Variants in AUTS2 observed in about 807,000 individuals in gnomAD.
AUTS2 encodes activator of transcription and developmental regulator AUTS2.
AUTS2 carries 17 observed loss-of-function variants against 112.4 expected under a neutral mutation model. The ratio of observed to expected loss-of-function variants is 0.15; its 90% CI spans 0.10 to 0.23. The LOEUF is 0.23. AUTS2 is among the 10% of genes least tolerant of loss of function. The probability of loss-of-function intolerance (pLI) is 1.00; values close to 1 mark genes in which losing one functional copy is unlikely to be tolerated. For missense variants in AUTS2, 1,510 were observed against 1,701.6 expected (o/e 0.89, Z 1.98); for synonymous variants, 751 against 702.7 (o/e 1.07, Z -1.09).
intron 2 of AUTS2, among the ~76,000 whole-genome samples, chr7:69,912,144 G>T (rs1795385780): frequency 6.6e-6 from 1 of 152,204 alleles, no homozygotes; most frequent in East Asian, 1.9e-4. Context: ...TGCATGCCTG[G>T]CCAGGTTGTG....
At chr7:70,025,315 T>C (rs1800463690) in intron 2 of AUTS2, among the ~76,000 whole-genome samples, 1 of 152,148 alleles carries the variant, frequency 6.6e-6, no homozygotes, top group Non-Finnish European at 1.5e-5. Context: ...GTTCAAACTC[T>C]AATCTGCCTT....
chr7:70,652,781 A>T (rs1239117817), intron 5 of AUTS2, among the ~76,000 whole-genome samples: 1 of 151,600 alleles, frequency 6.6e-6, no homozygotes. Flanking sequence ...CTAATTGTAG[A>T]CTCTAATTTA....
chr7:70,412,511 C>T (rs1794821337), intron 4 of AUTS2, among the ~76,000 whole-genome samples: 1 of 152,112 alleles, frequency 6.6e-6, no homozygotes, highest in South Asian at 2.1e-4. Context: ...GTTAACCTAG[C>T]CAAAAGCTTT....
intron 4 of AUTS2, among the ~76,000 whole-genome samples, chr7:70,253,385 G>A (rs186049036): frequency 3.9e-5 from 6 of 152,152 alleles, no homozygotes; most frequent in East Asian, 1.9e-4. Context: ...TATACTTAGC[G>A]TGTCTGAAAT....
chr7:70,379,390 G>A (rs1030094075), intron 4 of AUTS2, among the ~76,000 whole-genome samples: 1 of 151,802 alleles, frequency 6.6e-6, no homozygotes, highest in African/African-American at 2.4e-5. Flanking sequence ...TGATCCCAGT[G>A]ACTCAGAAGG....
At chr7:70,528,997 A>G (rs1799971192) in intron 5 of AUTS2, among the ~76,000 whole-genome samples, 1 of 152,196 alleles carries the variant, frequency 6.6e-6, no homozygotes, top group South Asian at 2.1e-4. Context: ...GGCCATGTAT[A>G]AACACCACTG....
chr7:70,145,966 G>A (rs1418377490), intron 4 of AUTS2, among the ~76,000 whole-genome samples: 1 of 152,056 alleles, frequency 6.6e-6, no homozygotes, highest in East Asian at 1.9e-4. Context: ...TCCTGCCTAA[G>A]CACTATTTTA....
At chr7:70,620,780 C>G (rs917892048) in intron 5 of AUTS2, among the ~76,000 whole-genome samples, 3 of 152,218 alleles carry the variant, frequency 2.0e-5, no homozygotes, top group Non-Finnish European at 4.4e-5. Flanking sequence ...CCTCTCATTG[C>G]TTGCTGGCAC....
intron 1 of AUTS2, among the ~76,000 whole-genome samples, chr7:69,863,687 G>T (rs1393154149): frequency 2.6e-5 from 4 of 152,194 alleles, no homozygotes; most frequent in Non-Finnish European, 5.9e-5. Context: ...CTAGATGAAG[G>T]TTCCACCTAA....
intron 2 of AUTS2, among the ~76,000 whole-genome samples, chr7:69,987,249 G>C (rs1363350535): frequency 6.6e-6 from 1 of 152,112 alleles, no homozygotes; most frequent in Non-Finnish European, 1.5e-5. Flanking sequence ...ATGCAAAATT[G>C]GTAGGAAGAC....
chr7:69,787,687 G>A (rs1789437928), intron 1 of AUTS2, among the ~76,000 whole-genome samples: 1 of 152,160 alleles, frequency 6.6e-6, no homozygotes, highest in Admixed American at 6.5e-5. Context: ...CCAAGAAGCT[G>A]GGATTACAGG....
intron 5 of AUTS2, among the ~76,000 whole-genome samples, chr7:70,512,652 A>G (rs1799244039): frequency 1.3e-5 from 2 of 152,138 alleles, no homozygotes; most frequent in Admixed American, 1.3e-4. Context: ...TAAGCAAGGA[A>G]CTTTCATCTC....
At chr7:70,337,952 A>C (rs183222607) in intron 4 of AUTS2, among the ~76,000 whole-genome samples, 3 of 152,340 alleles carry the variant, frequency 2.0e-5, no homozygotes, top group African/African-American at 7.2e-5. Flanking sequence ...CACTAGCTCT[A>C]ATACATTTTT....
intron 1 of AUTS2, among the ~76,000 whole-genome samples, chr7:69,815,019 T>C (rs1419718465): frequency 6.6e-6 from 1 of 152,244 alleles, no homozygotes; most frequent in Non-Finnish European, 1.5e-5. Context: ...AAAATAGTGA[T>C]GCCTCAGTTG....
At chr7:70,561,502 T>G (rs1801485351) in intron 5 of AUTS2, among the ~76,000 whole-genome samples, 1 of 152,120 alleles carries the variant, frequency 6.6e-6, no homozygotes, top group South Asian at 2.1e-4. Flanking sequence ...GGCACGCACC[T>G]GTAGTCCCAG....
chr7:69,786,024 G>T (rs937408725), intron 1 of AUTS2, among the ~76,000 whole-genome samples: 6 of 152,148 alleles, frequency 3.9e-5, no homozygotes, highest in African/African-American at 1.4e-4. Context: ...TAGAAACGGG[G>T]TTTCATCATG....
intron 1 of AUTS2, among the ~76,000 whole-genome samples, chr7:69,819,810 G>T (rs1790908057): frequency 6.6e-6 from 1 of 152,034 alleles, no homozygotes; most frequent in African/African-American, 2.4e-5. Context: ...GCAGAGACAG[G>T]GTCCCACTAT....
At chr7:69,715,592 A>T (rs539707337) in intron 1 of AUTS2, among the ~76,000 whole-genome samples, 2 of 152,316 alleles carry the variant, frequency 1.3e-5, no homozygotes, top group East Asian at 3.9e-4. Context: ...GAGACATAGT[A>T]CTTCCCATTC....
At chr7:70,678,384 C>T (rs747203789) in intron 5 of AUTS2, among the ~76,000 whole-genome samples, 6 of 152,290 alleles carry the variant, frequency 3.9e-5, no homozygotes, top group African/African-American at 1.2e-4. Context: ...CACTGCCGAA[C>T]GTACTTCCAA....
Sources: allele counts gnomAD v4.1 joint callset (sites outside exome capture counted in the v4.1 genomes callset), GRCh38; gene constraint gnomAD v4.1.1; transcripts MANE v1.5; gene names NCBI Gene and HGNC (gene_info 2026-07-23, HGNC 2026-07-21).